Variants in RP1L1 observed in about 807,000 individuals in gnomAD.
RP1L1 encodes retinitis pigmentosa 1-like 1 protein.
In RP1L1, 27 loss-of-function variants were observed where a neutral mutation model predicts 15.7. The observed-to-expected ratio is 1.72, with a 90% CI of 1.27 to 2.38. The LOEUF (loss-of-function observed/expected upper bound fraction) is 2.38, where lower values mean the gene tolerates loss of function less well. Ranked by LOEUF, RP1L1 falls within the 30% of genes most tolerant of loss-of-function variation. The pLI, the probability that RP1L1 is intolerant of heterozygous loss-of-function variation, is 0.00. For missense variants in RP1L1, 4,798 were observed against 3,075.9 expected (o/e 1.56, Z -13.24); for synonymous variants, 1,813 against 1,276.7 (o/e 1.42, Z -8.96).
intron 1 of RP1L1, among the ~76,000 whole-genome samples, chr8:10,650,619 C>T (rs1050348826): frequency 1.1e-4 from 17 of 150,632 alleles, no homozygotes; most frequent in South Asian, 6.3e-4. Flanking sequence ...TGCAGTGGTG[C>T]GATCTCAGCT....
At chr8:10,630,115 A>G (rs1798218733) in intron 1 of RP1L1, among the ~76,000 whole-genome samples, 2 of 152,344 alleles carry the variant, frequency 1.3e-5, no homozygotes, top group South Asian at 4.1e-4. Context: ...TTAGCTGGGC[A>G]AAGGCCCTCT....
rs943438196 is a variant in RP1L1, at chr8:10,611,894, G to C, written c.2204C>G (p.Thr735Ser). Reference sequence around the variant, plus strand: ...TGCAGGGGTGACAGTGGCACTGCTGGTTCCCAGAAGGTCCTGGGAAGGAAG... The same window carrying C: ...TGCAGGGGTGACAGTGGCACTGCTGCTTCCCAGAAGGTCCTGGGAAGGAAG... The part of the protein sequence containing the change: ...GSLPSQDLLG[T>S]SSATVTPAVH... Residue 735 changes from threonine (T) to serine (S), a missense_variant, in exon 4 of 4, where the codon ACC becomes AGC. Transcript: ENST00000382483. 1.9e-6 allele frequency: 3 copies of C among 1,613,894 alleles called. No individual in the cohort carries two copies. The highest frequency in any genetic ancestry group is 2.5e-6 in the Non-Finnish European group (3 of 1,180,030).
intron 1 of RP1L1, among the ~76,000 whole-genome samples, chr8:10,649,542 A>G (rs1798528658): frequency 2.0e-5 from 3 of 152,190 alleles, no homozygotes; most frequent in Admixed American, 2.0e-4. Context: ...CCTGGCTCCC[A>G]GAGAGCTCAG....
chr8:10,625,795 C>G (rs984917386), intron 1 of RP1L1, among the ~76,000 whole-genome samples: 1 of 152,108 alleles, frequency 6.6e-6, no homozygotes, highest in African/African-American at 2.4e-5. Context: ...TCAGTGAGCA[C>G]AGAGACCGAG....
At chr8:10,645,473 C>T (rs996524046) in intron 1 of RP1L1, among the ~76,000 whole-genome samples, 2 of 152,176 alleles carry the variant, frequency 1.3e-5, no homozygotes, top group African/African-American at 4.8e-5. Flanking sequence ...GTCTTCAACA[C>T]CAAATAGATC....
chr8:10,650,411 G>C (rs545399355), intron 1 of RP1L1, among the ~76,000 whole-genome samples: 2 of 152,322 alleles, frequency 1.3e-5, no homozygotes, highest in East Asian at 3.9e-4. Context: ...GCATCAGCCA[G>C]GGTGTTAAAT....
Position 10,608,732 on chromosome 8 carries a change from T to C in RP1L1, c.5366A>G (p.Glu1789Gly). The change falls in exon 4 of 4, where the codon GAA becomes GGA. Residue 1789 changes from glutamate (E) to glycine (G), a missense_variant. Transcript: ENST00000382483. Reference sequence around the variant, plus strand: ...TATGCCCTCTCCCTCCTGCTCAGCTTCCCCCAACTCACTGCCCGCACTGGT... The same window carrying C: ...TATGCCCTCTCCCTCCTGCTCAGCTCCCCCCAACTCACTGCCCGCACTGGT... ...SETSAGSELGEAEQEGEGISE... is the reference protein window; with the variant it reads ...SETSAGSELGGAEQEGEGISE... 1 of 1,614,204 alleles carries C rather than the reference T, an allele frequency of 6.2e-7. No individual in the cohort carries two copies. The highest frequency in any genetic ancestry group is 1.3e-5 in the African/African-American group (1 of 75,042).
chr8:10,625,929 G>C (rs1303686195), intron 1 of RP1L1, among the ~76,000 whole-genome samples: 1 of 151,898 alleles, frequency 6.6e-6, no homozygotes. Flanking sequence ...TTGTGGGATG[G>C]AAAAGGAGGG....
In RP1L1 at chr8:10,612,590, G is replaced by C; in HGVS notation, c.1508C>G (p.Pro503Arg). 6.2e-7 allele frequency: 1 copy of C among 1,604,288 alleles called. No homozygotes were observed. Among genetic ancestry groups the C allele is most frequent in the Non-Finnish European group, 8.5e-7 (1 of 1,179,474 alleles). ...RKAGGSLGEDPGLCIDGAGLG... is the reference protein window; with the variant it reads ...RKAGGSLGEDRGLCIDGAGLG... Reference sequence around the variant, plus strand: ...CCCTGCTCCATCTATGCATAGGCCGGGGTCCTCACCCAGGCTCCCTCCAGC... The same window carrying C: ...CCCTGCTCCATCTATGCATAGGCCGCGGTCCTCACCCAGGCTCCCTCCAGC... Residue 503 changes from proline to arginine, a missense_variant, in exon 4 of 4, where the codon CCC becomes CGC. By Grantham distance (103) the Pro-to-Arg change is moderately radical. Coordinates refer to ENST00000382483, the MANE Select transcript of RP1L1 (RefSeq NM_178857.6).
intron 2 of RP1L1, 66 bp from the exon 3 acceptor site, chr8:10,616,653 G>A (rs1387592822): frequency 2.6e-6 from 4 of 1,527,790 alleles, no homozygotes; most frequent in South Asian, 1.2e-5. Flanking sequence ...TGAGGCCTGG[G>A]GGAGGAAGGA....
At chr8:10,628,586 G>A (rs1040800957) in intron 1 of RP1L1, among the ~76,000 whole-genome samples, 7 of 152,148 alleles carry the variant, frequency 4.6e-5, no homozygotes, top group Non-Finnish European at 4.4e-5. Context: ...GAGTGACAGT[G>A]GAGCTCTGGG....
intron 2 of RP1L1, among the ~76,000 whole-genome samples, chr8:10,617,847 C>T (rs1402877638): frequency 6.6e-6 from 1 of 152,158 alleles, no homozygotes; most frequent in East Asian, 1.9e-4. Context: ...TGAGCCACTG[C>T]ACCCGGCCTA....
chr8:10,608,519 G>C lies in RP1L1; in HGVS notation c.5579C>G (p.Ala1860Gly), dbSNP rs1797758017. The C allele has an allele frequency of 1.3e-6, 2 of 1,582,042 alleles. No homozygotes were observed. The highest frequency in any genetic ancestry group is 1.7e-6 in the Non-Finnish European group (2 of 1,159,876). The change falls in exon 4 of 4, where the codon GCC (alanine) becomes GGC (glycine). Residue 1860 changes from alanine to glycine, a missense_variant. Physicochemically the swap from Ala to Gly is moderately conservative, Grantham distance 60. Transcript: ENST00000382483. ...CTGGGCCTCCCCTTCAGCCTCCTGG[G>C]CATCCCCTTCTGCCTCTGGGGCCTC... ...GVEAPEAEGD[A>G]QEAEGEAQPE...
intron 1 of RP1L1, among the ~76,000 whole-genome samples, chr8:10,653,572 A>G (rs1798594094): frequency 2.6e-5 from 4 of 151,806 alleles, no homozygotes; most frequent in Admixed American, 2.6e-4. Flanking sequence ...ATGCACACTC[A>G]TGTGCACACA....
chr8:10,617,945 C>T (rs990978280), intron 2 of RP1L1, among the ~76,000 whole-genome samples: 3 of 152,130 alleles, frequency 2.0e-5, no homozygotes, highest in African/African-American at 4.8e-5. Context: ...CGGTAGCTAA[C>T]GGAAGGTAGG....
Position 10,611,536 on chromosome 8 carries a change from G to A in RP1L1, c.2562C>T (p.Pro854=). The A allele has an allele frequency of 1.3e-6, 2 of 1,590,266 alleles. No individual in the cohort carries two copies. The highest frequency in any genetic ancestry group is 2.3e-5 in the East Asian group (1 of 44,146). Reference sequence around the variant, plus strand: ...GGCAGGGCCGCCCCCTGGGCGGGGTGGGACAGTACCTGCCACACAGCCAGC... The same window carrying A: ...GGCAGGGCCGCCCCCTGGGCGGGGTAGGACAGTACCTGCCACACAGCCAGC... ...EASWLCGRYC[P]TPPRGRPCPQ... is the part of the protein sequence containing the mutation. Residue 854 remains proline, a synonymous_variant, in exon 4 of 4, where the codon CCC becomes CCT. Transcript: ENST00000382483.
At chr8:10,616,611 A>G in intron 2 of RP1L1, 24 bp from the exon 3 acceptor site, 2 of 1,602,964 alleles carry the variant, frequency 1.2e-6, no homozygotes, top group Non-Finnish European at 1.7e-6. Context: ...GGGCGGGGTC[A>G]GGAGGCCTGG....
At chr8:10,615,497 G>A (rs972453418) in intron 3 of RP1L1, among the ~76,000 whole-genome samples, 3 of 152,118 alleles carry the variant, frequency 2.0e-5, no homozygotes, top group African/African-American at 7.2e-5. Context: ...GCAACGCCAG[G>A]CACACGGCCC....
chr8:10,618,074 T>C (rs761997263), intron 2 of RP1L1, among the ~76,000 whole-genome samples: 6 of 152,234 alleles, frequency 3.9e-5, no homozygotes, highest in Non-Finnish European at 8.8e-5. Context: ...TTTCCATCTT[T>C]AAAGCACAGA....
Sources: gnomAD v4.1 joint callset for allele counts (sites outside exome capture counted in the v4.1 genomes callset) on GRCh38, gnomAD v4.1.1 for gene constraint, MANE v1.5 for transcripts, NCBI Gene and HGNC (gene_info 2026-07-23, HGNC 2026-07-21) for gene names.